The following ERICH1 variants were observed in gnomAD, a reference collection of about 807,000 sequenced individuals.
ERICH1 encodes glutamate rich 1.
ERICH1 carries 56 observed loss-of-function variants against 39.6 expected under a neutral mutation model. That is an observed-to-expected ratio of 1.41 (90% confidence interval 1.14 to 1.77). The LOEUF (loss-of-function observed/expected upper bound fraction) is 1.77. ERICH1 is among the 40% of genes most tolerant of loss of function. ERICH1 has a pLI of 0.00. For missense variants in ERICH1, 826 were observed against 575.4 expected (o/e 1.44, Z -4.45); for synonymous variants, 313 against 223.6 (o/e 1.40, Z -3.57).
intron 1 of ERICH1, among the ~76,000 whole-genome samples, chr8:724,526 G>A (rs560183005): frequency 6.4e-4 from 98 of 152,204 alleles, no homozygotes; most frequent in Non-Finnish European, 1.2e-3. Context: ...CTGCCCCGAC[G>A]GGGGCGGGAC....
intron 1 of ERICH1, among the ~76,000 whole-genome samples, chr8:730,187 T>C (rs1029999224): frequency 1.3e-5 from 2 of 152,228 alleles, no homozygotes; most frequent in Non-Finnish European, 2.9e-5. Context: ...TTTTAACCTG[T>C]GAGCTGATCA....
At chr8:709,266 A>G (rs1031852456) in intron 2 of ERICH1, among the ~76,000 whole-genome samples, 2 of 152,150 alleles carry the variant, frequency 1.3e-5, no homozygotes, top group African/African-American at 4.8e-5. Flanking sequence ...CAAGCAACTG[A>G]CCCAAGGGCA....
chr8:688,764 G>A (rs899037434), intron 3 of ERICH1, among the ~76,000 whole-genome samples: 3 of 152,176 alleles, frequency 2.0e-5, no homozygotes, highest in African/African-American at 7.2e-5. Flanking sequence ...ACAATGAAAA[G>A]CTGAAATCTG....
intron 4 of ERICH1, among the ~76,000 whole-genome samples, chr8:671,037 A>T (rs996228636): frequency 1.9e-5 from 2 of 102,728 alleles, no homozygotes; most frequent in African/African-American, 3.8e-5. Flanking sequence ...CTGCTCCAAC[A>T]CCTGAGCCCA....
At position 668,780 on chromosome 8, in the gene ERICH1, T is replaced by C. The variant is rs1286109377; in HGVS notation, c.1076A>G (p.Asp359Gly). 1.2e-6 allele frequency: 2 copies of C among 1,606,574 alleles called. No individual in the cohort carries two copies. The highest frequency in any genetic ancestry group is 1.7e-5 in the Admixed American group (1 of 59,032). Residue 359 changes from aspartate to glycine, a missense_variant, in exon 5 of 6, where the codon GAT becomes GGT. Asp to Gly is a moderately conservative substitution (Grantham distance 94). Transcript: ENST00000262109. The stretch of plus-strand genomic sequence containing the variant: ...ATCTGCGAGGGCAGCTGAAGCTGCA[T>C]CTCTGGAGACACCTACATAAAGTCA... ...EMYFYDGVSRDAASAALADAA... is the reference protein window; with the variant it reads ...EMYFYDGVSRGAASAALADAA...
At chr8:670,628 C>T (rs78043768) in intron 4 of ERICH1, among the ~76,000 whole-genome samples, 2,116 of 152,300 alleles carry the variant, frequency 0.014, 52 homozygotes, top group African/African-American at 0.048. Flanking sequence ...CTCAAGATGG[C>T]CAAGAGGCTC....
chr8:695,520 CACCT>C (rs1809970262), intron 2 of ERICH1, among the ~76,000 whole-genome samples: 1 of 136,054 alleles, frequency 7.4e-6, no homozygotes. Context: ...CATCAGCCTG[CACCT>C]GTGCTTGCTC....
At chr8:692,338 G>C (rs1268970616) in intron 3 of ERICH1, 140 bp downstream of exon 3, 2 of 1,211,320 alleles carry the variant, frequency 1.7e-6, no homozygotes, top group African/African-American at 3.1e-5. Flanking sequence ...GGTACACCAT[G>C]TGGTTCATTA....
intron 3 of ERICH1, among the ~76,000 whole-genome samples, chr8:634,064 G>A (rs1039187022): frequency 6.7e-6 from 1 of 149,784 alleles, no homozygotes; most frequent in African/African-American, 2.5e-5. Flanking sequence ...TCCATCAAAT[G>A]ACATTAAGAG....
chr8:653,376 C>G (rs142948599), intron 3 of ERICH1, among the ~76,000 whole-genome samples: 1 of 152,210 alleles, frequency 6.6e-6, no homozygotes, highest in Non-Finnish European at 1.5e-5. Flanking sequence ...TAATAGTGGC[C>G]GAGTCTTGAC....
intron 3 of ERICH1, among the ~76,000 whole-genome samples, chr8:622,192 A>C (rs1797324434): frequency 6.6e-6 from 1 of 152,208 alleles, no homozygotes; most frequent in Non-Finnish European, 1.5e-5. Context: ...ACTGTACTCC[A>C]TCCTGGGTGA....
chr8:627,710 C>A (rs907653935), intron 3 of ERICH1, among the ~76,000 whole-genome samples: 1 of 152,224 alleles, frequency 6.6e-6, no homozygotes, highest in African/African-American at 2.4e-5. Flanking sequence ...CCCCAGGGCT[C>A]CTCTTGGCCT....
chr8:643,922 G>A (rs543073896), intron 3 of ERICH1, among the ~76,000 whole-genome samples: 220 of 152,328 alleles, frequency 1.4e-3, no homozygotes, highest in African/African-American at 5.0e-3. Context: ...AGAAACACCC[G>A]GAATCGTGCT....
At chr8:620,583 A>G (rs1248375262) in intron 3 of ERICH1, among the ~76,000 whole-genome samples, 1 of 152,194 alleles carries the variant, frequency 6.6e-6, no homozygotes, top group African/African-American at 2.4e-5. Flanking sequence ...AAAAATACAA[A>G]TGAGTTGAAA....
chr8:643,153 G>T (rs1156320499), intron 3 of ERICH1, among the ~76,000 whole-genome samples: 1 of 152,172 alleles, frequency 6.6e-6, no homozygotes, highest in African/African-American at 2.4e-5. Context: ...CCCGTCCACA[G>T]CCGGGGACTG....
chr8:624,871 T>A (rs995163057), intron 3 of ERICH1, among the ~76,000 whole-genome samples: 1 of 151,938 alleles, frequency 6.6e-6, no homozygotes, highest in African/African-American at 2.4e-5. Flanking sequence ...GGACTACAGG[T>A]GCCCGCCACC....
At chr8:708,699 T>G (rs1352715591) in intron 2 of ERICH1, among the ~76,000 whole-genome samples, 8 of 135,968 alleles carry the variant, frequency 5.9e-5, no homozygotes, top group South Asian at 2.5e-4. Context: ...TTTTTTTTTT[T>G]TTTTTTTTTT....
chr8:727,172 C>G (rs986763075), intron 1 of ERICH1, among the ~76,000 whole-genome samples: 2 of 152,136 alleles, frequency 1.3e-5, no homozygotes, highest in African/African-American at 4.8e-5. Context: ...CACACATACA[C>G]CAGACACGTG....
Position 668,771 on chromosome 8 carries a change from G to A in ERICH1, c.1085C>T (p.Ser362Leu), listed in dbSNP as rs1459955452. The change falls in exon 5 of 6, where the codon TCA becomes TTA. Residue 362 changes from serine to leucine, a missense_variant. Ser to Leu is a moderately radical substitution (Grantham distance 145, BLOSUM62 -2). Coordinates refer to ENST00000262109, the MANE Select transcript of ERICH1 (RefSeq NM_207332.3). ...FYDGVSRDAASAALADAAEEL... is the reference protein window; with the variant it reads ...FYDGVSRDAALAALADAAEEL... ...CTCAGCGGCATCTGCGAGGGCAGCT[G>A]AAGCTGCATCTCTGGAGACACCTAC... The A allele has an allele frequency of 6.2e-7, 1 of 1,610,860 alleles. No individual in the cohort carries two copies. The highest frequency in any genetic ancestry group is 1.3e-5 in the African/African-American group (1 of 74,874).
Sources: gnomAD v4.1 joint callset for allele counts (sites outside exome capture counted in the v4.1 genomes callset) on GRCh38, gnomAD v4.1.1 for gene constraint, MANE v1.5 for transcripts, NCBI Gene and HGNC (gene_info 2026-07-23, HGNC 2026-07-21) for gene names.